DGKI: variants seen among roughly 807,000 people sequenced by gnomAD.
DGKI encodes DAG kinase iota.
A neutral mutation model predicts 147.5 loss-of-function variants in DGKI; 55 were observed. That is an observed-to-expected ratio of 0.37 (90% CI 0.30 to 0.47). The LOEUF is 0.47. Ranked by LOEUF, DGKI falls within the 20% of genes least tolerant of loss-of-function variation. The pLI, the probability that DGKI is intolerant of heterozygous loss-of-function variation, is 1.00. For missense variants in DGKI, 1,007 were observed against 1,323.8 expected (o/e 0.76, Z 3.71); for synonymous variants, 469 against 477.1 (o/e 0.98, Z 0.22).
chr7:137,559,443 A>T (rs1007977455), intron 19 of DGKI, among the ~76,000 whole-genome samples: 1 of 151,958 alleles, frequency 6.6e-6, no homozygotes, highest in Non-Finnish European at 1.5e-5. Context: ...TCTTTCCTTG[A>T]CTATATAAGT....
At chr7:137,406,614 C>G (rs1242052673) in intron 30 of DGKI, among the ~76,000 whole-genome samples, 2 of 152,114 alleles carry the variant, frequency 1.3e-5, no homozygotes, top group African/African-American at 4.8e-5. Context: ...AGTTTAGTAC[C>G]TACCTTGCAA....
intron 10 of DGKI, among the ~76,000 whole-genome samples, chr7:137,603,486 C>T (rs1449722906): frequency 6.6e-6 from 1 of 152,160 alleles, no homozygotes; most frequent in Admixed American, 6.5e-5. Context: ...AAATAGAATG[C>T]CTCATTTATT....
intron 28 of DGKI, among the ~76,000 whole-genome samples, chr7:137,437,754 AAAC>A: frequency 6.6e-6 from 1 of 152,270 alleles, no homozygotes; most frequent in South Asian, 2.1e-4. Flanking sequence ...ATAACAACTA[AAAC>A]AATAGCACAG....
intron 1 of DGKI, among the ~76,000 whole-genome samples, chr7:137,805,895 G>A (rs1238055002): frequency 6.6e-6 from 1 of 152,246 alleles, no homozygotes; most frequent in Non-Finnish European, 1.5e-5. Flanking sequence ...CCAAGGCTAA[G>A]CCAGTGTCAG....
chr7:137,471,037 A>C (rs1421423189), intron 23 of DGKI, among the ~76,000 whole-genome samples: 2 of 152,250 alleles, frequency 1.3e-5, no homozygotes, highest in Non-Finnish European at 2.9e-5. Context: ...TTTTCTCTTT[A>C]AGATTCCAAA....
intron 1 of DGKI, among the ~76,000 whole-genome samples, chr7:137,787,911 G>T (rs1021631197): frequency 6.6e-6 from 1 of 151,848 alleles, no homozygotes; most frequent in African/African-American, 2.4e-5. Context: ...GGGTAGCAAG[G>T]GAAAAAAGAC....
In DGKI at chr7:137,788,910, C is replaced by G. The variant is rs959309819; in HGVS notation, c.401+57552G>C. ...AACAAAACAAAATGTTAATCTTCAA[C>G]AGAATCCCTTTTTTCTTTTTTGTCT... On this transcript the variant is annotated intron_variant, in intron 1 of 32. Transcript: ENST00000614521. Among the ~76,000 whole-genome samples, 15 of 152,194 alleles carry G rather than the reference C, an allele frequency of 9.9e-5. 1 individual carries two copies. Among genetic ancestry groups the G allele is most frequent in the Non-Finnish European group, 1.9e-4 (13 of 68,024 alleles).
At chr7:137,717,760 G>A (rs1020125272) in intron 1 of DGKI, among the ~76,000 whole-genome samples, 5 of 152,176 alleles carry the variant, frequency 3.3e-5, no homozygotes, top group Non-Finnish European at 5.9e-5. Context: ...CTAACAAGGG[G>A]TTGGAACAAG....
intron 28 of DGKI, among the ~76,000 whole-genome samples, chr7:137,443,418 T>G (rs1813589763): frequency 6.6e-6 from 1 of 152,204 alleles, no homozygotes; most frequent in South Asian, 2.1e-4. Flanking sequence ...CAAAGTTCCA[T>G]ATAGCATATT....
Position 137,391,248 on chromosome 7 carries a change from C to T in DGKI, c.3146G>A (p.Gly1049Asp). 1 of 1,613,966 alleles carries T rather than the reference C, an allele frequency of 6.2e-7. No homozygotes were observed. The highest frequency in any genetic ancestry group is 8.5e-7 in the Non-Finnish European group (1 of 1,179,928). The change falls in exon 33 of 33, where the codon GGC becomes GAC. Residue 1049 changes from glycine (G) to aspartate (D), a missense_variant. By Grantham distance (94) the Gly-to-Asp change is moderately conservative (BLOSUM62 -1). Transcript: ENST00000614521. Reference sequence around the variant, plus strand: ...AACAGCAGTTTCCAGGTCCTCATGGCCAATGACCTTATAGTTCTGACGGCT... The same window carrying T: ...AACAGCAGTTTCCAGGTCCTCATGGTCAATGACCTTATAGTTCTGACGGCT... ...LESRQNYKVI[G>D]HEDLETAV
intron 6 of DGKI, among the ~76,000 whole-genome samples, chr7:137,625,002 C>G (rs898192006): frequency 1.1e-4 from 17 of 152,218 alleles, no homozygotes; most frequent in Admixed American, 7.8e-4. Context: ...GGTTTCACTA[C>G]TTTTGCTCCA....
intron 12 of DGKI, among the ~76,000 whole-genome samples, chr7:137,588,958 T>C (rs753490237): frequency 5.3e-5 from 8 of 152,142 alleles, no homozygotes; most frequent in Non-Finnish European, 1.2e-4. Flanking sequence ...TTACACGATA[T>C]AGATGGCATT....
chr7:137,655,284 C>T (rs138019718), intron 4 of DGKI, among the ~76,000 whole-genome samples: 147 of 151,864 alleles, frequency 9.7e-4, no homozygotes, highest in Middle Eastern at 6.8e-3. Context: ...CTGCAACCTC[C>T]GCCTCCTGGA....
At chr7:137,799,304 G>A (rs1797125808) in intron 1 of DGKI, among the ~76,000 whole-genome samples, 1 of 152,084 alleles carries the variant, frequency 6.6e-6, no homozygotes, top group African/African-American at 2.4e-5. Flanking sequence ...GCCCAGAATA[G>A]GCCAATATAC....
intron 3 of DGKI, among the ~76,000 whole-genome samples, chr7:137,667,146 G>A (rs1009599259): frequency 1.8e-4 from 27 of 152,024 alleles, no homozygotes; most frequent in African/African-American, 6.5e-4. Context: ...TGTGCCAGCA[G>A]GTCAAAGTTG....
In DGKI at chr7:137,469,622, G is replaced by A. The variant is rs773945052; in HGVS notation, c.2374-3C>T. 24 of 1,613,610 alleles carry A rather than the reference G, an allele frequency of 1.5e-5. No individual in the cohort carries two copies. The highest frequency in any genetic ancestry group is 1.3e-4 in the Admixed American group (8 of 59,954). ...CTGGGGAAGGAGGTTTCATGGTCCTGGAAAGAGACACACACACTCTAGTGG... is the reference window on the plus strand; with the variant it reads ...CTGGGGAAGGAGGTTTCATGGTCCTAGAAAGAGACACACACACTCTAGTGG... On this transcript the variant is annotated splice_polypyrimidine_tract_variant and splice_region_variant and intron_variant, in intron 23 of 32. Coordinates refer to ENST00000614521, the MANE Select transcript of DGKI (RefSeq NM_001321708.2).
At position 137,383,216 on chromosome 7, in the gene DGKI, CAATTG is replaced by C. The variant is rs906219503; in HGVS notation, c.*7999_*8003del. On this transcript the variant is annotated 3_prime_UTR_variant, in exon 33 of 33. Coordinates refer to ENST00000614521, the MANE Select transcript of DGKI (RefSeq NM_001321708.2). ...TTTAGGAGATTTGGGAATTGGCTAA[CAATTG>C]GCAAAATTGCTAGCCAATTTCCAAA... 2 of 150,180 alleles carry C rather than the reference CAATTG, an allele frequency of 1.3e-5. No homozygotes were observed. The highest frequency in any genetic ancestry group is 6.7e-5 in the Admixed American group (1 of 14,998). The allele number at this position is 150,180 out of a possible 1,614,324, so 9.3% of individuals were successfully genotyped here.
chr7:137,407,787 T>C (rs1171268021), intron 30 of DGKI, 88 bp downstream of exon 30: 49 of 1,536,468 alleles, frequency 3.2e-5, no homozygotes, highest in Non-Finnish European at 4.3e-5. Context: ...TTCTGAAAAC[T>C]GCCTGGATGA....
At position 137,609,035 on chromosome 7, in the gene DGKI, T is replaced by C; in HGVS notation, c.1098A>G (p.Ile366Met). 1 of 1,613,738 alleles carries C rather than the reference T, an allele frequency of 6.2e-7. No homozygotes were observed. The highest frequency in any genetic ancestry group is 1.1e-5 in the South Asian group (1 of 91,068). Residue 366 changes from isoleucine to methionine, a missense_variant, in exon 10 of 33, where the codon ATA becomes ATG. Around this residue, in one of 5 missense-constraint regions of DGKI, gnomAD observed 259 missense variants for 362.5 expected, o/e 0.71. Coordinates refer to ENST00000614521, the MANE Select transcript of DGKI (RefSeq NM_001321708.2). ...EQENKGRPFV[I>M]KPISSPLMKP... ...TCATGAGAGGAGAAGAGATGGGTTT[T>C]ATCACAAAAGGACGACCTTTGTTTT...
Sources: gnomAD v4.1 joint callset for allele counts (sites outside exome capture counted in the v4.1 genomes callset) on GRCh38, gnomAD v4.1.1 for gene constraint, gnomAD v4.1.1 regional missense constraint, MANE v1.5 for transcripts, NCBI Gene and HGNC (gene_info 2026-07-23, HGNC 2026-07-21) for gene names.